The following SHISA6 variants were observed in gnomAD, a reference collection of about 807,000 sequenced individuals.
SHISA6 encodes the protein protein shisa-6.
A neutral mutation model predicts 47.9 loss-of-function variants in SHISA6; 22 were observed. The ratio of observed to expected loss-of-function variants is 0.46; its 90% CI spans 0.33 to 0.66. The LOEUF is 0.66. SHISA6 is among the 30% of genes least tolerant of loss of function. The pLI, the probability that SHISA6 is intolerant of heterozygous loss-of-function variation, is 0.02. For synonymous variants in SHISA6, 388 were observed against 337.8 expected, an observed-to-expected ratio of 1.15 and a Z score of -1.63; for missense variants, 680 against 764.6, an observed-to-expected ratio of 0.89 and a Z score of 1.30.
At chr17:11,278,183 A>C (rs532321587) in intron 2 of SHISA6, among the ~76,000 whole-genome samples, 37 of 152,268 alleles carry the variant, frequency 2.4e-4, no homozygotes, top group African/African-American at 8.7e-4. Flanking sequence ...GAGTGCTTAG[A>C]ATGGGGAGGG....
intron 2 of SHISA6, among the ~76,000 whole-genome samples, chr17:11,281,147 C>CT (rs892640195): frequency 1.3e-5 from 2 of 152,028 alleles, no homozygotes; most frequent in Admixed American, 6.6e-5. Flanking sequence ...ATTTAGATGC[C>CT]TTTTTTTCTT....
intron 3 of SHISA6, among the ~76,000 whole-genome samples, chr17:11,492,024 C>G (rs1916498484): frequency 6.6e-6 from 1 of 152,112 alleles, no homozygotes; most frequent in East Asian, 1.9e-4. Context: ...CCTCCTTGGC[C>G]TCCCAAAGTG....
chr17:11,380,625 T>C (rs1912977138), intron 3 of SHISA6, among the ~76,000 whole-genome samples: 1 of 152,234 alleles, frequency 6.6e-6, no homozygotes, highest in Non-Finnish European at 1.5e-5. Flanking sequence ...CACTTTGTGA[T>C]TATTACCTAG....
intron 3 of SHISA6, among the ~76,000 whole-genome samples, chr17:11,491,864 C>T (rs1022158848): frequency 1.3e-5 from 2 of 151,446 alleles, no homozygotes; most frequent in Admixed American, 1.3e-4. Flanking sequence ...CTCCACCTCC[C>T]GAGTTCAAGC....
chr17:11,262,326 GA>G (rs1398449103), intron 1 of SHISA6, among the ~76,000 whole-genome samples: 1 of 152,328 alleles, frequency 6.6e-6, no homozygotes, highest in African/African-American at 2.4e-5. Context: ...CACCCCTCGA[GA>G]AGATGGAATA....
At chr17:11,380,005 A>T (rs1346476461) in intron 3 of SHISA6, 1 of 155,274 alleles carries the variant, frequency 6.4e-6, no homozygotes, top group Admixed American at 6.5e-5. Flanking sequence ...GTAGAAGGTT[A>T]TGCAGACCTT....
At chr17:11,471,210 G>GAAAAAAAA (rs10699970) in intron 3 of SHISA6, among the ~76,000 whole-genome samples, 1 of 97,790 alleles carries the variant, frequency 1.0e-5, no homozygotes, top group Admixed American at 1.1e-4. Context: ...CTCCATCTCA[G>GAAAAAAAA]AAAAAAAAAA....
intron 3 of SHISA6, among the ~76,000 whole-genome samples, chr17:11,489,745 T>C (rs1326109143): frequency 2.6e-5 from 4 of 152,192 alleles, no homozygotes; most frequent in Non-Finnish European, 5.9e-5. Flanking sequence ...CCAGAGAACC[T>C]TTGGCAATGT....
At chr17:11,392,241 G>A (rs1427623066) in intron 3 of SHISA6, among the ~76,000 whole-genome samples, 1 of 152,182 alleles carries the variant, frequency 6.6e-6, no homozygotes, top group East Asian at 1.9e-4. Context: ...ACTAAGAGCA[G>A]TTGAACGCCT....
intron 3 of SHISA6, among the ~76,000 whole-genome samples, chr17:11,543,474 T>C (rs1480718566): frequency 2.6e-5 from 4 of 152,084 alleles, no homozygotes; most frequent in Non-Finnish European, 5.9e-5. Flanking sequence ...ACAATATAAA[T>C]AGAGATACAT....
At chr17:11,504,297 G>A (rs2071479550) in intron 3 of SHISA6, among the ~76,000 whole-genome samples, 2 of 152,110 alleles carry the variant, frequency 1.3e-5, no homozygotes, top group Admixed American at 6.6e-5. Context: ...CTGTTTGTTA[G>A]TATCCGTGAA....
chr17:11,297,153 T>C (rs1909780521), intron 2 of SHISA6, among the ~76,000 whole-genome samples: 1 of 152,064 alleles, frequency 6.6e-6, no homozygotes, highest in Non-Finnish European at 1.5e-5. Context: ...GTACCTCTTA[T>C]AGATGGAAGA....
intron 2 of SHISA6, among the ~76,000 whole-genome samples, chr17:11,353,389 A>G (rs978013553): frequency 2.0e-5 from 3 of 151,536 alleles, no homozygotes; most frequent in South Asian, 2.1e-4. Context: ...CCCAGGAGGC[A>G]GAGGTTGCAG....
intron 3 of SHISA6, among the ~76,000 whole-genome samples, chr17:11,488,839 A>G (rs2969215): frequency 0.44 from 66,704 of 152,084 alleles, 15,922 homozygotes; most frequent in African/African-American, 0.64. Context: ...TGATAGTCAT[A>G]TTCACTTCTG....
Position 11,328,794 on chromosome 17 carries a change from A to AT in SHISA6, c.800-50620_800-50619insT, listed in dbSNP as rs560620703. 2.3e-4 allele frequency among the ~76,000 whole-genome samples: 35 copies of AT among 152,306 alleles called. 1 individual carries two copies. In the South Asian group the frequency reaches 7.1e-3, roughly 31 times the overall value. On this transcript the variant is annotated intron_variant, in intron 2 of 5. Coordinates refer to ENST00000441885, the MANE Select transcript of SHISA6 (RefSeq NM_207386.4). Reference sequence around the variant, plus strand: ...GAGAAGAAACAAAGAAAACCAGGGAAGGGGCAAATGGAGAGGGAGGAAAGG... The same window carrying AT: ...GAGAAGAAACAAAGAAAACCAGGGAATGGGGCAAATGGAGAGGGAGGAAAGG...
chr17:11,324,058 C>T (rs149831796), intron 2 of SHISA6, among the ~76,000 whole-genome samples: 7 of 152,270 alleles, frequency 4.6e-5, no homozygotes, highest in Admixed American at 1.3e-4. Flanking sequence ...ATATGCACCC[C>T]TATTTCACGG....
intron 3 of SHISA6, among the ~76,000 whole-genome samples, chr17:11,506,429 C>A (rs2071499368): frequency 2.6e-5 from 4 of 152,162 alleles, no homozygotes; most frequent in Admixed American, 1.3e-4. Context: ...TCAGACAAAT[C>A]CTTTGTCATG....
chr17:11,414,037 C>T (rs2458543), intron 3 of SHISA6, among the ~76,000 whole-genome samples: 98,250 of 150,918 alleles, frequency 0.65, 32,552 homozygotes, highest in Non-Finnish European at 0.71. Context: ...TTCCTCTTCT[C>T]CTCTCTCCTT....
intron 2 of SHISA6, among the ~76,000 whole-genome samples, chr17:11,320,477 G>A (rs1468405165): frequency 6.6e-6 from 1 of 152,112 alleles, no homozygotes; most frequent in Non-Finnish European, 1.5e-5. Context: ...GGCTAACATG[G>A]TGAAATCCCG....
Sources: allele counts gnomAD v4.1 joint callset (sites outside exome capture counted in the v4.1 genomes callset), GRCh38; gene constraint gnomAD v4.1.1; transcripts MANE v1.5; gene names NCBI Gene and HGNC (gene_info 2026-07-23, HGNC 2026-07-21).